The following ZNF609 variants were observed in gnomAD, a reference collection of about 807,000 sequenced individuals.
ZNF609 encodes zinc finger protein 609.
In ZNF609, 11 loss-of-function variants were observed where a neutral mutation model predicts 109.5. The ratio of observed to expected loss-of-function variants is 0.10; its 90% CI spans 0.06 to 0.17. The LOEUF is 0.17. Among genes scored for constraint, ZNF609 ranks in the 10% least tolerant of loss-of-function variants. ZNF609 has a pLI of 1.00. For missense variants in ZNF609, 1,559 were observed against 1,772.4 expected, an observed-to-expected ratio of 0.88 and a Z score of 2.16; for synonymous variants, 646 against 662.0, an observed-to-expected ratio of 0.98 and a Z score of 0.37.
intron 2 of ZNF609, among the ~76,000 whole-genome samples, chr15:64,541,847 A>G (rs1215118469): frequency 2.7e-5 from 4 of 146,986 alleles, no homozygotes; most frequent in Admixed American, 8.4e-5. Flanking sequence ...CTCAAAAAAA[A>G]AAAAAAAAAA....
chr15:64,471,813 A>G (rs1012460259), intron 1 of ZNF609, among the ~76,000 whole-genome samples: 2 of 151,774 alleles, frequency 1.3e-5, no homozygotes, highest in Non-Finnish European at 2.9e-5. Flanking sequence ...GAACTCCCAA[A>G]CTTAGGTGAT....
chr15:64,496,704 A>G (rs1351609562), intron 1 of ZNF609, among the ~76,000 whole-genome samples: 1 of 152,258 alleles, frequency 6.6e-6, no homozygotes, highest in Non-Finnish European at 1.5e-5. Context: ...ATAGGTATCT[A>G]CTATGCTATT....
In ZNF609 at chr15:64,502,549, C is replaced by G. The variant is rs146083001; in HGVS notation, c.747+2383C>G. ...TTTGAAAACTTCTTTAAAATTTTCT[C>G]TCTGAGAAATGGGCTTGCCTGTGGT... On this transcript the variant is annotated intron_variant, in intron 2 of 9. Transcript: ENST00000326648. The G allele has an allele frequency of 3.6e-4, 55 of 152,240 alleles. 1 individual carries two copies. The highest frequency in any genetic ancestry group is 1.2e-3 in the African/African-American group (48 of 41,528). 9.4% of individuals were successfully genotyped at this position (152,240 alleles called of 1,614,324 possible).
chr15:64,521,918 G>T (rs1776892493), intron 2 of ZNF609, among the ~76,000 whole-genome samples: 1 of 152,198 alleles, frequency 6.6e-6, no homozygotes, highest in African/African-American at 2.4e-5. Context: ...GTTGTGGGCT[G>T]GAGATTGTTT....
chr15:64,625,976 TA>T (rs1301087194), intron 3 of ZNF609, among the ~76,000 whole-genome samples: 1 of 134,818 alleles, frequency 7.4e-6, no homozygotes, highest in Non-Finnish European at 1.5e-5. Context: ...GAGAGGATAT[TA>T]AAATATTGCT....
At position 64,684,860 on chromosome 15, in the gene ZNF609, GTTGT is replaced by G; in HGVS notation, c.*3181_*3184del. On this transcript the variant is annotated 3_prime_UTR_variant, in exon 10 of 10. Transcript: ENST00000326648. ...GTTGGCCCCATAATTCTGGGCCTTT[GTTGT>G]TTGTTTTAATTACTTGGGCATCCCA... 1 of 152,658 alleles carries G rather than the reference GTTGT, an allele frequency of 6.6e-6. No homozygotes were observed. Among genetic ancestry groups the G allele is most frequent in the Non-Finnish European group, 1.5e-5 (1 of 68,074 alleles). 9.5% of individuals were successfully genotyped at this position (152,658 alleles called of 1,614,324 possible). A position where few individuals can be genotyped will look rare whatever the true frequency, so the allele number is the denominator to read the frequency against.
In ZNF609 at chr15:64,583,497, C is replaced by T. The variant is rs540129232; in HGVS notation, c.748-39330C>T. 1.6e-4 allele frequency among the ~76,000 whole-genome samples: 24 copies of T among 152,200 alleles called. No homozygotes were observed. The South Asian group carries it at 4.8e-3, about 30-fold the overall frequency. On this transcript the variant is annotated intron_variant, in intron 2 of 9. Transcript: ENST00000326648. ...AGTTGATTGACCATTGATGAGGGACCATCCACCTTCCAGCATCTGTAGGTC... is the reference window on the plus strand; with the variant it reads ...AGTTGATTGACCATTGATGAGGGACTATCCACCTTCCAGCATCTGTAGGTC...
intron 2 of ZNF609, among the ~76,000 whole-genome samples, chr15:64,566,937 T>C (rs1163242095): frequency 6.6e-6 from 1 of 152,168 alleles, no homozygotes; most frequent in Non-Finnish European, 1.5e-5. Flanking sequence ...GCAGGCAACC[T>C]TAAGCTGCTG....
chr15:64,603,736 C>G (rs1018322799), intron 2 of ZNF609, among the ~76,000 whole-genome samples: 1 of 151,892 alleles, frequency 6.6e-6, no homozygotes, highest in Non-Finnish European at 1.5e-5. Context: ...CGTGGTGGCT[C>G]ACGCCTGTAA....
intron 2 of ZNF609, among the ~76,000 whole-genome samples, chr15:64,511,991 G>A (rs1436297905): frequency 1.3e-5 from 2 of 151,644 alleles, no homozygotes; most frequent in Non-Finnish European, 2.9e-5. Context: ...GGGATTACAG[G>A]CATGAGCCAC....
At chr15:64,616,911 T>G (rs1895808513) in intron 2 of ZNF609, among the ~76,000 whole-genome samples, 1 of 137,972 alleles carries the variant, frequency 7.2e-6, no homozygotes, top group Non-Finnish European at 1.5e-5. Flanking sequence ...CGGGTTCAGG[T>G]GATTCTCATG....
chr15:64,554,133 A>G (rs991703357), intron 2 of ZNF609, among the ~76,000 whole-genome samples: 1 of 152,192 alleles, frequency 6.6e-6, no homozygotes, highest in Non-Finnish European at 1.5e-5. Context: ...TGCTAAGAGT[A>G]GACATCCTTA....
At chr15:64,558,489 A>C (rs1894626430) in intron 2 of ZNF609, among the ~76,000 whole-genome samples, 1 of 152,220 alleles carries the variant, frequency 6.6e-6, no homozygotes, top group Non-Finnish European at 1.5e-5. Context: ...AAGTATTGTT[A>C]CTGTTGTCTG....
intron 3 of ZNF609, among the ~76,000 whole-genome samples, chr15:64,639,452 A>C (rs1054689038): frequency 1.3e-5 from 2 of 152,186 alleles, no homozygotes; most frequent in Non-Finnish European, 2.9e-5. Flanking sequence ...CTAGGGAAGA[A>C]TTCTTCTTTT....
intron 3 of ZNF609, among the ~76,000 whole-genome samples, chr15:64,647,241 C>T (rs1896350134): frequency 6.6e-6 from 1 of 151,272 alleles, no homozygotes; most frequent in African/African-American, 2.4e-5. Context: ...GTATTTTTTC[C>T]ACTTAGGTAT....
intron 3 of ZNF609, among the ~76,000 whole-genome samples, chr15:64,637,869 T>C (rs1283805298): frequency 6.6e-6 from 1 of 151,430 alleles, no homozygotes; most frequent in African/African-American, 2.4e-5. Flanking sequence ...TTTTATGTAG[T>C]CTATTTTATC....
chr15:64,607,895 CTT>C (rs71133457), intron 2 of ZNF609, among the ~76,000 whole-genome samples: 2 of 12,262 alleles, frequency 1.6e-4, no homozygotes, highest in Admixed American at 1.9e-3. Context: ...TCTTTTCTTT[CTT>C]TTTTTTTTTT....
chr15:64,548,648 T>C (rs1894407116), intron 2 of ZNF609, among the ~76,000 whole-genome samples: 1 of 152,132 alleles, frequency 6.6e-6, no homozygotes. Context: ...TGTGCCTATA[T>C]TCCCAGCTAC....
chr15:64,514,611 C>G (rs559440526), intron 2 of ZNF609, among the ~76,000 whole-genome samples: 2 of 151,892 alleles, frequency 1.3e-5, no homozygotes, highest in African/African-American at 4.8e-5. Flanking sequence ...CCTCTTCTCA[C>G]TTTCACCTTT....
Sources: allele counts gnomAD v4.1 joint callset (sites outside exome capture counted in the v4.1 genomes callset), GRCh38; gene constraint gnomAD v4.1.1; transcripts MANE v1.5; gene names NCBI Gene and HGNC (gene_info 2026-07-23, HGNC 2026-07-21).